Variants in CTNNA3 observed in about 807,000 individuals in gnomAD.
CTNNA3 encodes the protein catenin alpha-3.
In CTNNA3, 76 loss-of-function variants were observed where a neutral mutation model predicts 95.7. The ratio of observed to expected loss-of-function variants is 0.79; its 90% CI spans 0.66 to 0.96. The LOEUF (loss-of-function observed/expected upper bound fraction) is 0.96, where lower values mean the gene tolerates loss of function less well. Ranked by LOEUF, CTNNA3 falls within the 40% of genes least tolerant of loss-of-function variation. The pLI, the probability that CTNNA3 is intolerant of heterozygous loss-of-function variation, is 0.00. For missense variants in CTNNA3, 1,191 were observed against 1,089.8 expected (o/e 1.09, Z -1.31); for synonymous variants, 431 against 374.4 (o/e 1.15, Z -1.74).
chr10:66,654,792 C>A lies in CTNNA3; in HGVS notation c.1282-33008G>T, dbSNP rs944639762. 2.8e-4 allele frequency among the ~76,000 whole-genome samples: 43 copies of A among 152,014 alleles called. 1 individual carries two copies. Among genetic ancestry groups the A allele is most frequent in the Non-Finnish European group, 2.9e-4 (20 of 67,928 alleles). Reference sequence around the variant, plus strand: ...TTTGGTCTTAAATAAGAAGGAAATCCTGTCATTTGAGATGACATGGATCCA... The same window carrying A: ...TTTGGTCTTAAATAAGAAGGAAATCATGTCATTTGAGATGACATGGATCCA... On this transcript the variant is annotated intron_variant, in intron 9 of 17. Coordinates refer to ENST00000433211, the MANE Select transcript of CTNNA3 (RefSeq NM_013266.4).
intron 11 of CTNNA3, among the ~76,000 whole-genome samples, chr10:66,428,950 T>A (rs1372152039): frequency 6.6e-6 from 1 of 151,854 alleles, no homozygotes; most frequent in Non-Finnish European, 1.5e-5. Flanking sequence ...CTTCAAAAAA[T>A]CAATGAATTC....
At chr10:66,963,860 T>A (rs937153478) in intron 7 of CTNNA3, among the ~76,000 whole-genome samples, 1 of 151,534 alleles carries the variant, frequency 6.6e-6, no homozygotes, top group South Asian at 2.1e-4. Context: ...TTTTTTTTTT[T>A]TAAGATGGAG....
intron 13 of CTNNA3, among the ~76,000 whole-genome samples, chr10:66,106,646 TG>T (rs2081924522): frequency 6.6e-6 from 1 of 152,140 alleles, no homozygotes; most frequent in Non-Finnish European, 1.5e-5. Context: ...AGCTGGATTG[TG>T]GCAAAAGTTT....
At chr10:66,085,384 T>A (rs2080942957) in intron 14 of CTNNA3, among the ~76,000 whole-genome samples, 1 of 152,086 alleles carries the variant, frequency 6.6e-6, no homozygotes, top group African/African-American at 2.4e-5. Context: ...TAACCAGTTT[T>A]CATTCAATCA....
At chr10:66,517,291 T>G (rs1200183577) in intron 11 of CTNNA3, among the ~76,000 whole-genome samples, 1 of 152,060 alleles carries the variant, frequency 6.6e-6, no homozygotes, top group Non-Finnish European at 1.5e-5. Flanking sequence ...AACTCCATCT[T>G]GAATAGGAGC....
At chr10:66,960,919 GT>G (rs1449221595) in intron 7 of CTNNA3, among the ~76,000 whole-genome samples, 1 of 152,070 alleles carries the variant, frequency 6.6e-6, no homozygotes, top group African/African-American at 2.4e-5. Context: ...TGGTTCTTAA[GT>G]TTTTTTGCTA....
At chr10:67,259,304 A>T (rs1245362855) in intron 5 of CTNNA3, among the ~76,000 whole-genome samples, 1 of 152,186 alleles carries the variant, frequency 6.6e-6, no homozygotes, top group Non-Finnish European at 1.5e-5. Flanking sequence ...ATTTTTATAG[A>T]TTGGAGACAT....
chr10:66,125,232 A>G (rs1484048176), intron 13 of CTNNA3, among the ~76,000 whole-genome samples: 1 of 152,174 alleles, frequency 6.6e-6, no homozygotes, highest in African/African-American at 2.4e-5. Context: ...TAATTGATCT[A>G]ATATGTAACA....
chr10:67,191,561 T>C (rs1863120183), intron 6 of CTNNA3, among the ~76,000 whole-genome samples: 1 of 151,682 alleles, frequency 6.6e-6, no homozygotes, highest in Admixed American at 6.6e-5. Flanking sequence ...AGATCTGTGG[T>C]TACATTAAAA....
chr10:67,088,300 T>G (rs562141295), intron 7 of CTNNA3, among the ~76,000 whole-genome samples: 1 of 151,788 alleles, frequency 6.6e-6, no homozygotes, highest in Non-Finnish European at 1.5e-5. Flanking sequence ...AATGAGTGAA[T>G]AAATTAACGA....
chr10:65,953,006 T>C (rs574119171), intron 17 of CTNNA3, among the ~76,000 whole-genome samples: 2 of 152,338 alleles, frequency 1.3e-5, no homozygotes, highest in South Asian at 4.1e-4. Context: ...CCCAAAAGCA[T>C]GACATTTGGG....
At chr10:66,821,248 A>T (rs1357362562) in intron 7 of CTNNA3, among the ~76,000 whole-genome samples, 1 of 152,214 alleles carries the variant, frequency 6.6e-6, no homozygotes, top group Admixed American at 6.5e-5. Flanking sequence ...TATAGATTTG[A>T]CAGTTTAACC....
At chr10:67,152,520 ATGG>A (rs1467961030) in intron 7 of CTNNA3, among the ~76,000 whole-genome samples, 2 of 152,218 alleles carry the variant, frequency 1.3e-5, no homozygotes, top group African/African-American at 4.8e-5. Context: ...GCATATAAAG[ATGG>A]TGACTTATGA....
chr10:67,350,325 A>G (rs1842583272), intron 5 of CTNNA3, among the ~76,000 whole-genome samples: 1 of 152,070 alleles, frequency 6.6e-6, no homozygotes, highest in Admixed American at 6.6e-5. Context: ...GAAAGACTGG[A>G]TTGCTGGGGA....
chr10:66,930,181 G>T (rs1296592655), intron 7 of CTNNA3, among the ~76,000 whole-genome samples: 1 of 152,006 alleles, frequency 6.6e-6, no homozygotes, highest in Non-Finnish European at 1.5e-5. Context: ...TAAAGAAAAA[G>T]AAATAGTTAA....
rs1589302893 is a variant in CTNNA3, at chr10:66,056,699, A to G, written c.2159+12609T>C. On this transcript the variant is annotated intron_variant, in intron 15 of 17. Transcript: ENST00000433211. Reference sequence around the variant, plus strand: ...ATGGGAGACTTCTGTTAATATCTCAATACTTGTTATTTGTCTATTCAGGTT... The same window carrying G: ...ATGGGAGACTTCTGTTAATATCTCAGTACTTGTTATTTGTCTATTCAGGTT... Among the ~76,000 whole-genome samples, 3 of 152,274 alleles carry G rather than the reference A, an allele frequency of 2.0e-5. No homozygotes were observed. The East Asian group carries it at 5.8e-4, about 29-fold the overall frequency.
At chr10:66,432,296 C>A (rs150786853) in intron 11 of CTNNA3, among the ~76,000 whole-genome samples, 1 of 152,124 alleles carries the variant, frequency 6.6e-6, no homozygotes. Context: ...TGAAACAATA[C>A]TTTTAGTATA....
chr10:66,295,868 G>C (rs2091769185), intron 12 of CTNNA3, among the ~76,000 whole-genome samples: 1 of 152,176 alleles, frequency 6.6e-6, no homozygotes, highest in Non-Finnish European at 1.5e-5. Context: ...TGGTAATATG[G>C]AACATGGTGT....
At chr10:66,290,148 A>T (rs1159883692) in intron 12 of CTNNA3, among the ~76,000 whole-genome samples, 2 of 152,052 alleles carry the variant, frequency 1.3e-5, no homozygotes, top group Non-Finnish European at 2.9e-5. Flanking sequence ...ACGATGTGTG[A>T]ATAAAGAGAA....
Sources: allele counts gnomAD v4.1 joint callset (sites outside exome capture counted in the v4.1 genomes callset), GRCh38; gene constraint gnomAD v4.1.1; transcripts MANE v1.5; gene names NCBI Gene and HGNC (gene_info 2026-07-23, HGNC 2026-07-21).